The following CEP250 variants were observed in gnomAD, a reference collection of about 807,000 sequenced individuals.
The protein encoded by CEP250 is centrosomal protein 250, also known as centrosome-associated protein CEP250.
In CEP250, 242 loss-of-function variants were observed where a neutral mutation model predicts 315.7. The observed-to-expected ratio is 0.77, with a 90% CI of 0.69 to 0.85. The LOEUF (loss-of-function observed/expected upper bound fraction) is 0.85, where lower values mean the gene tolerates loss of function less well. Ranked by LOEUF, CEP250 falls within the 40% of genes least tolerant of loss-of-function variation. CEP250 has a pLI of 0.00. For synonymous variants in CEP250, 1,088 were observed against 1,175.0 expected, an observed-to-expected ratio of 0.93 and a Z score of 1.51; for missense variants, 2,515 against 2,886.4, an observed-to-expected ratio of 0.87 and a Z score of 2.95.
intron 20 of CEP250, among the ~76,000 whole-genome samples, chr20:35,489,634 A>C (rs1298594560): frequency 6.6e-6 from 1 of 152,150 alleles, no homozygotes; most frequent in Non-Finnish European, 1.5e-5. Flanking sequence ...TATCCTGTAC[A>C]CCTAATAGAG....
intron 10 of CEP250, among the ~76,000 whole-genome samples, chr20:35,470,287 G>A (rs2146756767): frequency 6.6e-6 from 1 of 152,340 alleles, no homozygotes; most frequent in East Asian, 1.9e-4. Flanking sequence ...AAATTAGTGA[G>A]TTACCAGGAA....
At chr20:35,485,095 G>A (rs1318676814) in intron 20 of CEP250, among the ~76,000 whole-genome samples, 1 of 150,980 alleles carries the variant, frequency 6.6e-6, no homozygotes, top group Non-Finnish European at 1.5e-5. Context: ...GGTAAAGGCT[G>A]GGCGCAGTGG....
chr20:35,456,162 TG>T (rs2062620426), intron 1 of CEP250, among the ~76,000 whole-genome samples: 2 of 152,348 alleles, frequency 1.3e-5, no homozygotes, highest in South Asian at 4.1e-4. Flanking sequence ...CCCAAAGTGC[TG>T]GGATTACAGG....
At chr20:35,496,797 C>T (rs1385925136) in intron 25 of CEP250, 82 bp downstream of exon 25, 1 of 1,460,416 alleles carries the variant, frequency 6.8e-7, no homozygotes, top group Non-Finnish European at 9.2e-7. Flanking sequence ...TCTGAGTCCT[C>T]TCATGGAGAG....
intron 34 of CEP250, 36 bp from the exon 35 acceptor site, chr20:35,511,327 C>T: frequency 6.4e-7 from 1 of 1,553,812 alleles, no homozygotes; most frequent in Non-Finnish European, 8.7e-7. Context: ...GGGCCCTCAG[C>T]TGCTCTCGCT....
chr20:35,506,352 G>A (rs1007166413), intron 30 of CEP250, among the ~76,000 whole-genome samples: 1 of 152,160 alleles, frequency 6.6e-6, no homozygotes, highest in African/African-American at 2.4e-5. Context: ...AGTGAGAGAG[G>A]AAGTGGGCTT....
At chr20:35,494,490 T>C in intron 23 of CEP250, 34 bp from the exon 24 acceptor site, 1 of 1,612,332 alleles carries the variant, frequency 6.2e-7, no homozygotes, top group Non-Finnish European at 8.5e-7. Flanking sequence ...CCCCCTGCCC[T>C]GCCATCTTGG....
chr20:35,465,406 C>T lies in CEP250; in HGVS notation c.244-337C>T, dbSNP rs564848714. ...TTGCACTCCAGCCTGGGCGACAGAG[C>T]GAGACTCTGTCTCCAAAAAAAAAAA... On this transcript the variant is annotated intron_variant, in intron 5 of 34. Coordinates refer to ENST00000397527, the MANE Select transcript of CEP250 (RefSeq NM_007186.6). 1.8e-4 allele frequency among the ~76,000 whole-genome samples: 24 copies of T among 132,994 alleles called. No homozygotes were observed. In the South Asian group the frequency reaches 4.1e-3, roughly 23 times the overall value. 87.2% of individuals were successfully genotyped at this position (132,994 alleles called of 152,430 possible). A position where few individuals can be genotyped will look rare whatever the true frequency, so the allele number is the denominator to read the frequency against.
At chr20:35,493,216 G>A (rs915185992) in intron 22 of CEP250, among the ~76,000 whole-genome samples, 1 of 151,968 alleles carries the variant, frequency 6.6e-6, no homozygotes, top group Non-Finnish European at 1.5e-5. Flanking sequence ...CATGGTCTAG[G>A]TGAGAGACTA....
chr20:35,462,929 T>A lies in CEP250; in HGVS notation c.186+376T>A, dbSNP rs531488797. ...GGTGTACACCACCACTTTTGGCTAA[T>A]ATATCTCTTTAAAGATGAAATTCAC... On this transcript the variant is annotated intron_variant, in intron 4 of 34. Transcript: ENST00000397527. Among the ~76,000 whole-genome samples, 161 of 152,270 alleles carry A rather than the reference T, an allele frequency of 1.1e-3. No homozygotes were observed. In the Middle Eastern group the frequency reaches 0.014, roughly 13 times the overall value.
chr20:35,494,708 T>A (rs1335165954), intron 24 of CEP250, 51 bp downstream of exon 24: 1 of 1,606,852 alleles, frequency 6.2e-7, no homozygotes, highest in South Asian at 1.1e-5. Flanking sequence ...GCTGCCATGG[T>A]CACTGTGATA....
chr20:35,491,392 T>A (rs780447659), intron 22 of CEP250, 46 bp downstream of exon 22: 18 of 1,555,264 alleles, frequency 1.2e-5, no homozygotes, highest in Non-Finnish European at 1.6e-5. Flanking sequence ...GGCACTCATT[T>A]ACCCATTCGA....
chr20:35,479,547 T>A, intron 18 of CEP250, 99 bp from the exon 19 acceptor site: 2 of 1,552,236 alleles, frequency 1.3e-6, no homozygotes, highest in East Asian at 2.3e-5. Context: ...ATTGCCCCCC[T>A]AACTTCTCCA....
intron 9 of CEP250, 34 bp downstream of exon 9, chr20:35,467,589 T>TGA (rs769155828): frequency 4.4e-6 from 7 of 1,605,830 alleles, no homozygotes; most frequent in East Asian, 2.2e-5. Context: ...AAGGGTTCGC[T>TGA]GAGAGAGAGC....
intron 1 of CEP250, among the ~76,000 whole-genome samples, chr20:35,456,939 G>A (rs2062643493): frequency 6.6e-6 from 1 of 152,022 alleles, no homozygotes; most frequent in African/African-American, 2.4e-5. Flanking sequence ...CCGCCACCGT[G>A]CCTGGCTAAT....
intron 20 of CEP250, among the ~76,000 whole-genome samples, chr20:35,480,680 C>T (rs1242807903): frequency 6.6e-6 from 1 of 150,938 alleles, no homozygotes; most frequent in Non-Finnish European, 1.5e-5. Context: ...GCAACCTCCG[C>T]CTCCTGGGTT....
chr20:35,465,874 G>C (rs1412588586), intron 6 of CEP250, 49 bp downstream of exon 6: 3 of 1,554,504 alleles, frequency 1.9e-6, no homozygotes, highest in Admixed American at 1.9e-5. Context: ...AGTTGGTGGA[G>C]AAGGCTGATG....
chr20:35,479,712 C>T lies in CEP250; in HGVS notation c.2355C>T (p.Val785=), dbSNP rs772770258. 6.2e-7 allele frequency: 1 copy of T among 1,614,160 alleles called. No individual in the cohort carries two copies. Residue 785 remains valine, a synonymous_variant, in exon 19 of 35, where the codon GTC becomes GTT. Transcript: ENST00000397527. ...AACAACAAAATTCTGTGATAGAGGT[C>T]ACCAAGGGGCAGCTGGAGGTCCAGA... ...EAQQQNSVIE[V]TKGQLEVQIQ...
At chr20:35,490,969 A>G (rs1043065865) in intron 21 of CEP250, 165 bp downstream of exon 21, 10 of 832,170 alleles carry the variant, frequency 1.2e-5, no homozygotes, top group African/African-American at 1.7e-5. Context: ...CATTAGCCAC[A>G]GTTCCGGCAG....
Sources: gnomAD v4.1 joint callset for allele counts (sites outside exome capture counted in the v4.1 genomes callset) on GRCh38, gnomAD v4.1.1 for gene constraint, MANE v1.5 for transcripts, NCBI Gene and HGNC (gene_info 2026-07-23, HGNC 2026-07-21) for gene names.